ZBTB7C: variants seen among roughly 807,000 people sequenced by gnomAD.
ZBTB7C encodes the protein zinc finger and BTB domain-containing protein 7C.
A neutral mutation model predicts 25.7 loss-of-function variants in ZBTB7C; 8 were observed. The observed-to-expected ratio is 0.31, with a 90% CI of 0.18 to 0.56. ZBTB7C has a LOEUF of 0.56. Among genes scored for constraint, ZBTB7C ranks in the 20% least tolerant of loss-of-function variants. The pLI, the probability that ZBTB7C is intolerant of heterozygous loss-of-function variation, is 0.91. For synonymous variants in ZBTB7C, 394 were observed against 369.0 expected (o/e 1.07, Z -0.78); for missense variants, 824 against 855.2 (o/e 0.96, Z 0.46).
chr18:48,175,987 G>T (rs1182577381), intron 3 of ZBTB7C, among the ~76,000 whole-genome samples: 1 of 152,170 alleles, frequency 6.6e-6, no homozygotes, highest in African/African-American at 2.4e-5. Flanking sequence ...ATCAATGGGT[G>T]CTACATCTAG....
chr18:48,243,518 T>A (rs1271267069), intron 2 of ZBTB7C, among the ~76,000 whole-genome samples: 1 of 152,002 alleles, frequency 6.6e-6, no homozygotes, highest in Non-Finnish European at 1.5e-5. Context: ...CTGAAAGAAA[T>A]CATAGACAAC....
Position 48,029,252 on chromosome 18 carries a change from G to A in ZBTB7C, c.*8C>T. On this transcript the variant is annotated 3_prime_UTR_variant, in exon 5 of 5. Transcript: ENST00000590800. ...AGGGCTGGTGGGCTGGAGCCGACAG[G>A]GACCAGCCTAGTTGTTGGCTTCGGA... 6.5e-7 allele frequency: 1 copy of A among 1,534,652 alleles called. No homozygotes were observed. Among genetic ancestry groups the A allele is most frequent in the East Asian group, 2.4e-5 (1 of 41,052 alleles).
At chr18:48,245,774 TCAGA>T (rs2043676195) in intron 2 of ZBTB7C, among the ~76,000 whole-genome samples, 1 of 151,984 alleles carries the variant, frequency 6.6e-6, no homozygotes, top group African/African-American at 2.4e-5. Context: ...CAGAAAGCAA[TCAGA>T]CAAAAATGGT....
chr18:48,318,563 G>T (rs2046009510), intron 2 of ZBTB7C, among the ~76,000 whole-genome samples: 1 of 152,220 alleles, frequency 6.6e-6, no homozygotes, highest in South Asian at 2.1e-4. Context: ...TCCTCCCTCT[G>T]GTCCAGCCCA....
chr18:48,236,103 G>C (rs1812468599), intron 2 of ZBTB7C, among the ~76,000 whole-genome samples: 1 of 151,996 alleles, frequency 6.6e-6, no homozygotes, highest in African/African-American at 2.4e-5. Flanking sequence ...TCGCATCTCT[G>C]GTATTTTCTT....
chr18:48,147,862 C>T (rs1041212285), intron 3 of ZBTB7C: 2 of 152,228 alleles, frequency 1.3e-5, no homozygotes, highest in Non-Finnish European at 2.9e-5. Context: ...GATCCACCCA[C>T]CTCGGCCTCC....
At chr18:48,182,267 A>AACCTGAGAG (rs1337389313) in intron 3 of ZBTB7C, among the ~76,000 whole-genome samples, 1 of 152,210 alleles carries the variant, frequency 6.6e-6, no homozygotes, top group Non-Finnish European at 1.5e-5. Context: ...ATTTTCTTGT[A>AACCTGAGAG]ACCTGAGAGA....
At chr18:48,067,231 G>A (rs1256907115) in intron 3 of ZBTB7C, among the ~76,000 whole-genome samples, 2 of 152,324 alleles carry the variant, frequency 1.3e-5, no homozygotes, top group East Asian at 3.9e-4. Context: ...AAGTGAAGGA[G>A]CTGGATTTTA....
intron 3 of ZBTB7C, among the ~76,000 whole-genome samples, chr18:48,069,139 C>G (rs2037448590): frequency 6.6e-6 from 1 of 152,214 alleles, no homozygotes; most frequent in Non-Finnish European, 1.5e-5. Context: ...AGTAGGTGCT[C>G]ATGCATTTCT....
At chr18:48,093,827 G>A (rs921440401) in intron 3 of ZBTB7C, among the ~76,000 whole-genome samples, 2 of 152,250 alleles carry the variant, frequency 1.3e-5, no homozygotes, top group East Asian at 1.9e-4. Context: ...AGGCCAAAGC[G>A]GGTAGATCAT....
Position 48,040,579 on chromosome 18 carries a change from A to G in ZBTB7C, c.529T>C (p.Leu177=), listed in dbSNP as rs1490259508. Residue 177 remains leucine (L), a synonymous_variant, in exon 4 of 5, where the codon TTG becomes CTG. Coordinates refer to ENST00000590800, the MANE Select transcript of ZBTB7C (RefSeq NM_001318841.2). ...CAGCTGATGTCCTGGGGGTCAGGCA[A>G]GTTTTCTTGGTCAGCAAAGTCCTCC... ...DTEDFADQEN[L]PDPQDISCHQ... 1.9e-6 allele frequency: 3 copies of G among 1,613,792 alleles called. No individual in the cohort carries two copies. The highest frequency in any genetic ancestry group is 1.6e-4 in the Middle Eastern group (1 of 6,078).
chr18:48,230,478 G>A (rs548943796), intron 2 of ZBTB7C, among the ~76,000 whole-genome samples: 127 of 152,312 alleles, frequency 8.3e-4, no homozygotes, highest in African/African-American at 3.1e-3. Context: ...CTAAAATGAT[G>A]CCTATGGGAT....
chr18:48,137,772 A>T (rs954942382), intron 3 of ZBTB7C, among the ~76,000 whole-genome samples: 11 of 152,256 alleles, frequency 7.2e-5, no homozygotes, highest in African/African-American at 2.7e-4. Context: ...ACAAACAGAC[A>T]TATCACGCAG....
intron 2 of ZBTB7C, among the ~76,000 whole-genome samples, chr18:48,203,884 A>G (rs9960392): frequency 0.077 from 11,679 of 152,242 alleles, 512 homozygotes; most frequent in Middle Eastern, 0.16. Flanking sequence ...TACAGGGTAG[A>G]GAGGAGGAGA....
At chr18:48,363,203 T>TC (rs150863827) in intron 1 of ZBTB7C, among the ~76,000 whole-genome samples, 16,667 of 152,196 alleles carry the variant, frequency 0.11, 1,058 homozygotes, top group Non-Finnish European at 0.14. Context: ...TTCTTGCTGC[T>TC]CGGGAGGGAG....
intron 3 of ZBTB7C, among the ~76,000 whole-genome samples, chr18:48,086,402 G>A (rs943007447): frequency 2.6e-5 from 4 of 152,124 alleles, no homozygotes; most frequent in African/African-American, 9.7e-5. Flanking sequence ...CAGAAGGCAG[G>A]CTCCAGAGCC....
In ZBTB7C at chr18:48,207,630, AT is replaced by A. The variant is rs779162281; in HGVS notation, c.-78-21636del. Among the ~76,000 whole-genome samples, 557 of 114,020 alleles carry A rather than the reference AT, an allele frequency of 4.9e-3. 2 individuals are homozygous for A. Among genetic ancestry groups the A allele is most frequent in the Non-Finnish European group, 9.6e-3 (425 of 44,364 alleles). The allele number at this position is 114,020 out of a possible 152,430, so 74.8% of individuals were successfully genotyped here. On this transcript the variant is annotated intron_variant, in intron 2 of 4. Transcript: ENST00000590800. Reference sequence around the variant, plus strand: ...CTATCTATCTATCCATCTAAAATATATTCTATAGAGACTGGATTTCCCTATG... The same window carrying A: ...CTATCTATCTATCCATCTAAAATATATCTATAGAGACTGGATTTCCCTATG...
chr18:48,031,460 A>T lies in ZBTB7C; in HGVS notation c.1209-1549T>A, dbSNP rs1028321669. ...AGGCTACATAGTACTCTGCTGTGATATCCCACCCCCTACCAGCATGCTGTG... is the reference window on the plus strand; with the variant it reads ...AGGCTACATAGTACTCTGCTGTGATTTCCCACCCCCTACCAGCATGCTGTG... On this transcript the variant is annotated intron_variant, in intron 4 of 4. Transcript: ENST00000590800. 9.2e-5 allele frequency among the ~76,000 whole-genome samples: 14 copies of T among 152,168 alleles called. No individual in the cohort carries two copies. In the South Asian group the frequency reaches 1.2e-3, roughly 13 times the overall value.
At chr18:48,143,441 A>G (rs192421524) in intron 3 of ZBTB7C, among the ~76,000 whole-genome samples, 18 of 152,220 alleles carry the variant, frequency 1.2e-4, no homozygotes, top group Non-Finnish European at 2.1e-4. Flanking sequence ...CCCTAGGACA[A>G]ACAACTAATT....
Sources: allele counts gnomAD v4.1 joint callset (sites outside exome capture counted in the v4.1 genomes callset), GRCh38; gene constraint gnomAD v4.1.1; transcripts MANE v1.5; gene names NCBI Gene and HGNC (gene_info 2026-07-23, HGNC 2026-07-21).